The following SRGAP2C variants were observed in gnomAD, a reference collection of about 807,000 sequenced individuals.
SRGAP2C encodes SLIT-ROBO Rho GTPase-activating protein 2C.
Under a neutral mutation model 25.1 loss-of-function variants are expected in SRGAP2C, and 15 were observed. The observed-to-expected ratio is 0.60, with a 90% CI of 0.40 to 0.92. The LOEUF is 0.92. Ranked by LOEUF, SRGAP2C falls within the 40% of genes least tolerant of loss-of-function variation. The pLI, the probability that SRGAP2C is intolerant of heterozygous loss-of-function variation, is 0.00. For missense variants in SRGAP2C, 144 were observed against 264.4 expected (o/e 0.54, Z 3.16); for synonymous variants, 44 against 96.6 (o/e 0.46, Z 3.19).
At chr1:121,249,580 A>T (rs1325796999) in intron 2 of SRGAP2C, among the ~76,000 whole-genome samples, 2,692 of 21,758 alleles carry the variant, frequency 0.12, 27 homozygotes, top group Non-Finnish European at 0.16. Context: ...ATATATATAT[A>T]TTTTTTTTTT....
intron 2 of SRGAP2C, among the ~76,000 whole-genome samples, chr1:121,237,741 C>T (rs1553328976): frequency 6.7e-6 from 1 of 149,684 alleles, no homozygotes; most frequent in African/African-American, 2.5e-5. Flanking sequence ...TCCTTACTTC[C>T]CAGCTGAACA....
chr1:121,377,925 A>C (rs1209367366), intron 7 of SRGAP2C, among the ~76,000 whole-genome samples: 17 of 152,060 alleles, frequency 1.1e-4, no homozygotes, highest in African/African-American at 4.1e-4. Context: ...ATGTATGTAC[A>C]CACTTGTACA....
intron 2 of SRGAP2C, among the ~76,000 whole-genome samples, chr1:121,222,041 G>A (rs587748423): frequency 6.6e-6 from 1 of 152,008 alleles, no homozygotes; most frequent in African/African-American, 2.4e-5. Flanking sequence ...TAGAAATGAA[G>A]TCATCCAGCA....
chr1:121,291,070 C>A lies in SRGAP2C; in HGVS notation c.260+6075C>A, dbSNP rs1460266495. Among the ~76,000 whole-genome samples, 4 of 129,512 alleles carry A rather than the reference C, an allele frequency of 3.1e-5. No individual in the cohort carries two copies. In the East Asian group the frequency reaches 6.4e-4, roughly 21 times the overall value. The allele number at this position is 129,512 out of a possible 152,430, so 85.0% of individuals were successfully genotyped here. A position where few individuals can be genotyped will look rare whatever the true frequency, so the allele number is the denominator to read the frequency against. On this transcript the variant is annotated intron_variant, in intron 3 of 9. Coordinates refer to ENST00000367123, the MANE Select transcript of SRGAP2C (RefSeq NM_001329984.2). ...GAGAGACACGAGGAAAACAGAAGGC[C>A]AGGATGAAGGTTTTGGGGTAATCTA...
chr1:121,310,712 T>A (rs1384592645), intron 3 of SRGAP2C, among the ~76,000 whole-genome samples: 7 of 90,504 alleles, frequency 7.7e-5, no homozygotes, highest in African/African-American at 2.8e-4. Flanking sequence ...TTTTCTCAGG[T>A]TTGTCAAAGA....
chr1:121,372,233 G>T (rs1659512026), intron 5 of SRGAP2C, among the ~76,000 whole-genome samples: 1 of 152,124 alleles, frequency 6.6e-6, no homozygotes. Context: ...TCTGCCTCTA[G>T]CTGATCGTAG....
intron 3 of SRGAP2C, among the ~76,000 whole-genome samples, chr1:121,289,150 CA>C (rs1657439342): frequency 1.3e-5 from 2 of 148,250 alleles, no homozygotes; most frequent in Non-Finnish European, 3.0e-5. Context: ...CGCCATGGAG[CA>C]GGGGGTGGTG....
Position 121,328,960 on chromosome 1 carries a change from G to A in SRGAP2C, c.423+4320G>A, listed in dbSNP as rs1203313702. Among the ~76,000 whole-genome samples the A allele has an allele frequency of 5.5e-4, 71 of 129,936 alleles. 6 individuals are homozygous for A. The East Asian group carries it at 6.9e-3, about 13-fold the overall frequency. The allele number at this position is 129,936 out of a possible 152,430, so 85.2% of individuals were successfully genotyped here. ...GGAGTGGTGACTCATGCCTGTAATCGCAGCGCTTTGGGAGGCCAAGGTGGG... is the reference window on the plus strand; with the variant it reads ...GGAGTGGTGACTCATGCCTGTAATCACAGCGCTTTGGGAGGCCAAGGTGGG... On this transcript the variant is annotated intron_variant, in intron 4 of 9. Coordinates refer to ENST00000367123, the MANE Select transcript of SRGAP2C (RefSeq NM_001329984.2).
At chr1:121,329,306 A>G in intron 4 of SRGAP2C, among the ~76,000 whole-genome samples, 1 of 152,068 alleles carries the variant, frequency 6.6e-6, no homozygotes, top group Non-Finnish European at 1.5e-5. Context: ...TTTCATCTAC[A>G]TACTGTATTA....
At chr1:121,258,311 G>C (rs1480909016) in intron 2 of SRGAP2C, among the ~76,000 whole-genome samples, 1 of 151,470 alleles carries the variant, frequency 6.6e-6, no homozygotes, top group Non-Finnish European at 1.5e-5. Context: ...TGTTTTTAGG[G>C]TGGTGCCCTT....
chr1:121,293,060 TAAAAAAATTAAAGTGCC>T (rs1657521479), intron 3 of SRGAP2C, among the ~76,000 whole-genome samples: 3 of 125,976 alleles, frequency 2.4e-5, no homozygotes, highest in Non-Finnish European at 3.3e-5. Flanking sequence ...GGATGGGAGA[TAAAAAAATTAAAGTGCC>T]AATGCTAGGC....
Position 121,281,226 on chromosome 1 carries a change from C to T in SRGAP2C, c.68-3577C>T, listed in dbSNP as rs1470953760. ...ACAACTGTTCTGTCTTGGAGCTGTACGCCTAAGAGTGAGAGTAGTTAGAAT... is the reference window on the plus strand; with the variant it reads ...ACAACTGTTCTGTCTTGGAGCTGTATGCCTAAGAGTGAGAGTAGTTAGAAT... On this transcript the variant is annotated intron_variant, in intron 2 of 9. Coordinates refer to ENST00000367123, the MANE Select transcript of SRGAP2C (RefSeq NM_001329984.2). 4.0e-5 allele frequency among the ~76,000 whole-genome samples: 6 copies of T among 151,098 alleles called. No homozygotes were observed. In the East Asian group the frequency reaches 5.8e-4, roughly 15 times the overall value.
At chr1:121,309,548 T>G (rs1657933051) in intron 3 of SRGAP2C, among the ~76,000 whole-genome samples, 2 of 151,568 alleles carry the variant, frequency 1.3e-5, no homozygotes, top group African/African-American at 4.9e-5. Context: ...GCATTAGGTA[T>G]ATCTCCCAAT....
intron 2 of SRGAP2C, among the ~76,000 whole-genome samples, chr1:121,224,702 G>T (rs1268261191): frequency 6.9e-6 from 1 of 144,420 alleles, no homozygotes; most frequent in Non-Finnish European, 1.5e-5. Flanking sequence ...CTCAGCTCTG[G>T]AGTGGAATTC....
intron 2 of SRGAP2C, among the ~76,000 whole-genome samples, chr1:121,218,825 A>T (rs1234871432): frequency 6.6e-6 from 1 of 151,970 alleles, no homozygotes; most frequent in East Asian, 1.9e-4. Flanking sequence ...TAAAGTGTGG[A>T]TCTTTCAAGT....
At chr1:121,308,684 A>C (rs1188690566) in intron 3 of SRGAP2C, among the ~76,000 whole-genome samples, 1 of 151,668 alleles carries the variant, frequency 6.6e-6, no homozygotes, top group Non-Finnish European at 1.5e-5. Context: ...CACACCTGTA[A>C]TCCCAGCACT....
intron 3 of SRGAP2C, among the ~76,000 whole-genome samples, chr1:121,295,897 G>A (rs1657589061): frequency 1.3e-5 from 2 of 152,242 alleles, no homozygotes; most frequent in South Asian, 4.2e-4. Context: ...GAGTAGCTGG[G>A]ATTACAGGCA....
chr1:121,308,649 A>C (rs1657905393), intron 3 of SRGAP2C, among the ~76,000 whole-genome samples: 2 of 151,964 alleles, frequency 1.3e-5, no homozygotes, highest in African/African-American at 4.8e-5. Context: ...TCTGCAAAAA[A>C]AAGTATGGGC....
At chr1:121,336,802 C>T (rs1344202693) in intron 4 of SRGAP2C, among the ~76,000 whole-genome samples, 1 of 59,466 alleles carries the variant, frequency 1.7e-5, no homozygotes, top group Non-Finnish European at 3.4e-5. Flanking sequence ...AAGCCAGTAT[C>T]TAATGCACAC....
Sources: allele counts gnomAD v4.1 joint callset (sites outside exome capture counted in the v4.1 genomes callset), GRCh38; gene constraint gnomAD v4.1.1; transcripts MANE v1.5; gene names NCBI Gene and HGNC (gene_info 2026-07-23, HGNC 2026-07-21).